ZNF394: variants seen among roughly 807,000 people sequenced by gnomAD.
The protein encoded by ZNF394 is zinc finger protein 394.
A neutral mutation model predicts 21.8 loss-of-function variants in ZNF394; 19 were observed. That is an observed-to-expected ratio of 0.87 (90% CI 0.61 to 1.28). ZNF394 has a LOEUF of 1.28. Among genes scored for constraint, ZNF394 ranks in the 50% most tolerant of loss-of-function variants. The pLI, the probability that ZNF394 is intolerant of heterozygous loss-of-function variation, is 0.00. For synonymous variants in ZNF394, 294 were observed against 273.3 expected, an observed-to-expected ratio of 1.08 and a Z score of -0.75; for missense variants, 683 against 708.6, an observed-to-expected ratio of 0.96 and a Z score of 0.41.
downstream of ZNF394, among the ~76,000 whole-genome samples, chr7:99,492,032 C>T (rs577515507): frequency 4.2e-4 from 63 of 148,526 alleles, 1 homozygote; most frequent in Non-Finnish European, 5.3e-4. Context: ...GAGATTGCGC[C>T]ACTGCACTCC....
In ZNF394 at chr7:99,498,803, A is replaced by C; in HGVS notation, c.496T>G (p.Trp166Gly). The C allele has an allele frequency of 6.2e-7, 1 of 1,614,048 alleles. No individual in the cohort carries two copies. The highest frequency in any genetic ancestry group is 8.5e-7 in the Non-Finnish European group (1 of 1,179,996). ...TFEDTAVSLT[W>G]EEWERLDPAR... The stretch of plus-strand genomic sequence containing the variant: ...GGGTCCAGGCGCTCCCACTCCTCCC[A>C]GGTTAGAGACACAGCCGTGTCCTCG... Residue 166 changes from tryptophan to glycine, a missense_variant, in exon 2 of 3, where the codon TGG (tryptophan) becomes GGG (glycine). This residue lies in a region of ZNF394 where 402 missense variants were observed against 373.8 expected (regional missense o/e 1.08). Coordinates refer to ENST00000337673, the MANE Select transcript of ZNF394 (RefSeq NM_032164.4).
At chr7:99,496,427 C>T (rs765042559) in intron 2 of ZNF394, among the ~76,000 whole-genome samples, 19 of 151,998 alleles carry the variant, frequency 1.3e-4, no homozygotes, top group South Asian at 2.1e-4. Flanking sequence ...CCAGGCAGAG[C>T]GGTCACATAG....
rs749095986 is a variant in ZNF394 at position 99,493,548 on chromosome 7, C to T, written c.1667G>A (p.Arg556His). Residue 556 changes from arginine to histidine, a missense_variant, in exon 3 of 3, where the codon CGT becomes CAT. Physicochemically the swap from Arg to His is conservative, Grantham distance 29 (BLOSUM62 0). Around this residue, in one of 3 missense-constraint regions of ZNF394, gnomAD observed 274 missense variants for 314.1 expected, o/e 0.87. Transcript: ENST00000337673. ...IHQNKVLSAGRGGSRL is the reference protein window; with the variant it reads ...IHQNKVLSAGHGGSRL ...CTGGGATTATAGGCGTGAGCCACCA[C>T]GCCCAGCCGACAGCACTTTATTTTG... 1.0e-5 allele frequency: 16 copies of T among 1,607,166 alleles called. No individual in the cohort carries two copies. The highest frequency in any genetic ancestry group is 2.2e-5 in the East Asian group (1 of 44,836).
At position 99,493,696 on chromosome 7, in the gene ZNF394, T is replaced by A; in HGVS notation, c.1519A>T (p.Asn507Tyr). The part of the protein sequence containing the change: ...YGCSVCGKRF[N>Y]QSATLIKHQR... The stretch of plus-strand genomic sequence containing the variant: ...TGTTTAATGAGGGTTGCACTCTGAT[T>A]GAAGCGTTTCCCACAGACGGAACAT... Residue 507 changes from asparagine (N) to tyrosine (Y), a missense_variant, in exon 3 of 3, where the codon AAT (asparagine) becomes TAT (tyrosine). Coordinates refer to ENST00000337673, the MANE Select transcript of ZNF394 (RefSeq NM_032164.4). 1 of 1,614,230 alleles carries A rather than the reference T, an allele frequency of 6.2e-7. No homozygotes were observed. The highest frequency in any genetic ancestry group is 2.2e-5 in the East Asian group (1 of 44,894).
In ZNF394 at chr7:99,499,955, C is replaced by T. The variant is rs772779850; in HGVS notation, c.139G>A (p.Gly47Arg). The change falls in exon 1 of 3, where the codon GGA (glycine) becomes AGA (arginine). Residue 47 changes from glycine (G) to arginine (R), a missense_variant. Around this residue, in one of 3 missense-constraint regions of ZNF394, gnomAD observed 402 missense variants for 373.8 expected, o/e 1.08. Coordinates refer to ENST00000337673, the MANE Select transcript of ZNF394 (RefSeq NM_032164.4). ...GCGGGATAGTTGGGCTCCCAACTTC[C>T]GGGTGAGTCTTCCTCCACTTTCACG... The part of the protein sequence containing the change: ...LPVKVEEDSP[G>R]SWEPNYPAAS... 5.0e-6 allele frequency: 8 copies of T among 1,613,764 alleles called. No individual in the cohort carries two copies. The highest frequency in any genetic ancestry group is 1.7e-5 in the Admixed American group (1 of 59,992).
Position 99,487,127 on chromosome 7 carries a change from T to C in ZNF394, n.84-164A>G, listed in dbSNP as rs750067344. The stretch of plus-strand genomic sequence containing the variant: ...TCAACCCTTATTCGACATCAGGTGA[T>C]CCATAGTGGAGAAAAACGCCATAAA... On this transcript the variant is annotated intron_variant and non_coding_transcript_variant, in intron 1 of 1. Coordinates refer to the ZNF394 transcript ENST00000462024. 6 of 1,614,060 alleles carry C rather than the reference T, an allele frequency of 3.7e-6. No homozygotes were observed. In the South Asian group the frequency reaches 5.5e-5, roughly 15 times the overall value.
intron 2 of ZNF394, chr7:99,498,465 G>C: frequency 5.4e-6 from 2 of 370,466 alleles, no homozygotes; most frequent in Non-Finnish European, 9.9e-6. Flanking sequence ...GATAAACTTG[G>C]GTGGTAGACA....
rs1259043113 is a variant in ZNF394 at position 99,494,629 on chromosome 7, A to C, written c.586T>G (p.Leu196Val). 6.4e-7 allele frequency: 1 copy of C among 1,574,362 alleles called. No individual in the cohort carries two copies. The highest frequency in any genetic ancestry group is 1.4e-5 in the African/African-American group (1 of 72,998). Reference protein sequence around the residue: ...KDSGSTVPPSLESRVENKELI... With the variant: ...KDSGSTVPPSVESRVENKELI... ...TCTTTGTTCTCCACTCTGCTTTCCAAACCTGAAACGTGAAAATACAAATTC... is the reference window on the plus strand; with the variant it reads ...TCTTTGTTCTCCACTCTGCTTTCCACACCTGAAACGTGAAAATACAAATTC... Residue 196 changes from leucine to valine, a missense_variant and splice_region_variant, in exon 3 of 3, where the codon TTG becomes GTG. Leu to Val is a conservative substitution (Grantham distance 32). Around this residue, in one of 3 missense-constraint regions of ZNF394, gnomAD observed 402 missense variants for 373.8 expected, o/e 1.08. Transcript: ENST00000337673.
In ZNF394 at chr7:99,498,787, C is replaced by G; in HGVS notation, c.512G>C (p.Arg171Pro). 6.2e-7 allele frequency: 1 copy of G among 1,614,052 alleles called. No individual in the cohort carries two copies. Reference protein sequence around the residue: ...AVSLTWEEWERLDPARRDFCR... With the variant: ...AVSLTWEEWEPLDPARRDFCR... ...GAAGTCCCTCCGTGCTGGGTCCAGG[C>G]GCTCCCACTCCTCCCAGGTTAGAGA... Residue 171 changes from arginine to proline, a missense_variant, in exon 2 of 3, where the codon CGC (arginine) becomes CCC (proline). Transcript: ENST00000337673.
chr7:99,498,354 GAGA>G (rs1431618881), intron 2 of ZNF394: 2 of 189,258 alleles, frequency 1.1e-5, no homozygotes, highest in Admixed American at 1.1e-4. Context: ...GCTACCTCTG[GAGA>G]AGGATAGAGG....
In ZNF394 at chr7:99,493,609, G is replaced by A; in HGVS notation, c.1606C>T (p.Gln536Ter). Residue 536 changes from glutamine (Q) to a stop codon, truncating the protein, a stop_gained, in exon 3 of 3, where the codon CAA (glutamine) becomes TAA (stop). Coordinates refer to ENST00000337673, the MANE Select transcript of ZNF394 (RefSeq NM_032164.4). LOFTEE classifies it low-confidence loss of function (END_TRUNC). ...KCLECGERFR[Q>*]STHLIRHQRI... ...TGGTGTCGGATAAGGTGTGTACTTT[G>A]TCTAAATCTTTCCCCACATTCAAGA... 1 of 1,614,162 alleles carries A rather than the reference G, an allele frequency of 6.2e-7. No individual in the cohort carries two copies. Among genetic ancestry groups the A allele is most frequent in the Non-Finnish European group, 8.5e-7 (1 of 1,180,032 alleles).
At chr7:99,489,959 T>G (rs1014271425), downstream of ZNF394, among the ~76,000 whole-genome samples, 2 of 151,336 alleles carry the variant, frequency 1.3e-5, no homozygotes, top group African/African-American at 4.9e-5. Context: ...GAGCCAAGAT[T>G]GCACCACTGC....
intron 1 of ZNF394, among the ~76,000 whole-genome samples, chr7:99,499,398 G>GAAAAAAAAA (rs376340266): frequency 9.7e-6 from 1 of 103,404 alleles, no homozygotes. Context: ...AGAACAACAA[G>GAAAAAAAAA]AAAAAAAAAA....
intron 2 of ZNF394, among the ~76,000 whole-genome samples, chr7:99,497,557 A>G (rs896451818): frequency 6.6e-6 from 1 of 152,074 alleles, no homozygotes. Flanking sequence ...GATTAACAGT[A>G]ACTATTAATT....
intron 1 of ZNF394, among the ~76,000 whole-genome samples, chr7:99,488,072 A>C (rs1298967029): frequency 2.9e-5 from 2 of 69,738 alleles, no homozygotes; most frequent in Admixed American, 2.9e-4. Context: ...ACTCCGTCTC[A>C]AAAAAAAAAA....
At chr7:99,497,916 A>T (rs1800389377) in intron 2 of ZNF394, 1 of 152,056 alleles carries the variant, frequency 6.6e-6, no homozygotes, top group Non-Finnish European at 1.5e-5. Flanking sequence ...TATACTTAAT[A>T]AAAGTCATGT....
At chr7:99,495,796 AT>A (rs1800288448) in intron 2 of ZNF394, among the ~76,000 whole-genome samples, 1 of 151,348 alleles carries the variant, frequency 6.6e-6, no homozygotes, top group Non-Finnish European at 1.5e-5. Flanking sequence ...TAATTTTTGT[AT>A]TTTTAGTAGA....
At chr7:99,497,138 A>G (rs1444960692) in intron 2 of ZNF394, among the ~76,000 whole-genome samples, 5 of 130,302 alleles carry the variant, frequency 3.8e-5, no homozygotes, top group African/African-American at 1.4e-4. Context: ...ATATATATAT[A>G]TATGTATATA....
At chr7:99,496,666 G>A (rs1053006135) in intron 2 of ZNF394, among the ~76,000 whole-genome samples, 1 of 151,902 alleles carries the variant, frequency 6.6e-6, no homozygotes, top group Non-Finnish European at 1.5e-5. Context: ...TGCCCACCTC[G>A]GCCTCCCAAA....
Sources: allele counts gnomAD v4.1 joint callset (sites outside exome capture counted in the v4.1 genomes callset), GRCh38; gene constraint gnomAD v4.1.1; regional missense constraint gnomAD v4.1.1; transcripts MANE v1.5; gene names NCBI Gene and HGNC (gene_info 2026-07-23, HGNC 2026-07-21).